MICAL3: variants seen among roughly 807,000 people sequenced by gnomAD.
The protein encoded by MICAL3 is [F-actin]-monooxygenase MICAL3.
MICAL3 carries 62 observed loss-of-function variants against 207.4 expected under a neutral mutation model. The observed-to-expected ratio is 0.30, with a 90% CI of 0.24 to 0.37. The LOEUF is 0.37. Ranked by LOEUF, MICAL3 falls within the 10% of genes least tolerant of loss-of-function variation. The pLI is 1.00. For missense variants in MICAL3, 2,368 were observed against 2,635.6 expected (o/e 0.90, Z 2.22); for synonymous variants, 1,077 against 1,069.3 (o/e 1.01, Z -0.14).
At chr22:17,942,202 G>A (rs771116857) in intron 1 of MICAL3, among the ~76,000 whole-genome samples, 3 of 152,182 alleles carry the variant, frequency 2.0e-5, no homozygotes, top group Non-Finnish European at 4.4e-5. Flanking sequence ...ATGCTTGCAG[G>A]GAGGCACAGA....
At chr22:17,998,011 G>T (rs567270161) in intron 1 of MICAL3, among the ~76,000 whole-genome samples, 94 of 152,222 alleles carry the variant, frequency 6.2e-4, no homozygotes, top group African/African-American at 2.1e-3. Context: ...ACTTAAGAAG[G>T]AAAACCTGGG....
In MICAL3 at chr22:17,916,093, C is replaced by CA. The variant is rs201336893; in HGVS notation, c.-74-9208dup. On this transcript the variant is annotated intron_variant, in intron 1 of 31. Transcript: ENST00000441493. The stretch of plus-strand genomic sequence containing the variant: ...AAAAAAAAAAAAACCCAAAAAGCAA[C>CA]AAAAAACAAAAACCAAAAAACGAAA... Among the ~76,000 whole-genome samples, 454 of 125,626 alleles carry CA rather than the reference C, an allele frequency of 3.6e-3. 7 individuals carry two copies. In the East Asian group the frequency reaches 0.056, roughly 15 times the overall value. The allele number at this position is 125,626 out of a possible 152,430, so 82.4% of individuals were successfully genotyped here.
intron 1 of MICAL3, among the ~76,000 whole-genome samples, chr22:17,908,951 G>A (rs1482682700): frequency 2.0e-5 from 3 of 152,174 alleles, no homozygotes; most frequent in African/African-American, 7.2e-5. Context: ...AGCACACTGA[G>A]CAGCAGTGTG....
At chr22:17,877,396 G>T (rs201066239) in intron 16 of MICAL3, among the ~76,000 whole-genome samples, 2,383 of 36,174 alleles carry the variant, frequency 0.066, 7 homozygotes, top group East Asian at 0.21. Flanking sequence ...ATGGAGGTTA[G>T]GGAGGTTAGG....
chr22:17,969,142 A>G (rs1267663269), intron 1 of MICAL3, among the ~76,000 whole-genome samples: 1 of 151,824 alleles, frequency 6.6e-6, no homozygotes, highest in Non-Finnish European at 1.5e-5. Flanking sequence ...TCCCGGGTTC[A>G]AGCAATTCTG....
chr22:17,798,045 C>T (rs2061895563), intron 29 of MICAL3, among the ~76,000 whole-genome samples: 1 of 152,218 alleles, frequency 6.6e-6, no homozygotes, highest in Non-Finnish European at 1.5e-5. Context: ...AGGGAGACTT[C>T]TAGAGCCCAG....
chr22:17,904,141 G>A (rs1931541880), intron 3 of MICAL3, among the ~76,000 whole-genome samples: 1 of 152,242 alleles, frequency 6.6e-6, no homozygotes, highest in African/African-American at 2.4e-5. Flanking sequence ...CCAGGCCAGG[G>A]CTCTGCGCCT....
chr22:17,895,923 A>C (rs1398490957), intron 9 of MICAL3, among the ~76,000 whole-genome samples: 1 of 152,210 alleles, frequency 6.6e-6, no homozygotes, highest in African/African-American at 2.4e-5. Flanking sequence ...AATCTGCTTC[A>C]AAATATCCCA....
Position 17,906,730 on chromosome 22 carries a change from G to A in MICAL3, c.83C>T (p.Thr28Ile), listed in dbSNP as rs763222956. The change falls in exon 2 of 32, where the codon ACC (threonine) becomes ATC (isoleucine). Residue 28 changes from threonine (T) to isoleucine (I), a missense_variant. Thr to Ile is a moderately conservative substitution (Grantham distance 89). Transcript: ENST00000441493. ...RFVQATTCKG[T>I]LKAFQELCDH... ...ACAGAGCTCCTGGAAAGCCTTGAGG[G>A]TTCCCTTGCAGGTGGTGGCCTGGAC... 6.2e-7 allele frequency: 1 copy of A among 1,613,898 alleles called. No individual in the cohort carries two copies.
Position 17,832,008 on chromosome 22 carries a change from C to T in MICAL3, c.2901G>A (p.Val967=). 6.2e-7 allele frequency: 1 copy of T among 1,606,330 alleles called. No individual in the cohort carries two copies. Among genetic ancestry groups the T allele is most frequent in the Non-Finnish European group, 8.5e-7 (1 of 1,176,568 alleles). Residue 967 remains valine (V), a synonymous_variant, in exon 21 of 32, where the codon GTG becomes GTA. Coordinates refer to ENST00000441493, the MANE Select transcript of MICAL3 (RefSeq NM_015241.3). ...TCCCTTTCAGAAGGGCATGGATCCG[C>T]ACGGCCTCCTTCCACGGAACACCAC... ...DLGGVPWKEA[V]RIHALLKGKS... is the part of the protein sequence containing the mutation.
chr22:17,945,699 C>A (rs1171155324), intron 1 of MICAL3, among the ~76,000 whole-genome samples: 1 of 152,138 alleles, frequency 6.6e-6, no homozygotes, highest in Non-Finnish European at 1.5e-5. Flanking sequence ...CCACCAGGCA[C>A]CTCCCTCCCC....
At chr22:17,914,338 A>T (rs1439886987) in intron 1 of MICAL3, among the ~76,000 whole-genome samples, 1 of 152,174 alleles carries the variant, frequency 6.6e-6, no homozygotes, top group East Asian at 1.9e-4. Flanking sequence ...AACAAGACAG[A>T]TAGAAGATAC....
chr22:18,023,718 A>C (rs1924627197), intron 1 of MICAL3, among the ~76,000 whole-genome samples: 2 of 152,234 alleles, frequency 1.3e-5, no homozygotes, highest in Non-Finnish European at 2.9e-5. Context: ...CTGGGAGCGC[A>C]AGCGTGTGCG....
chr22:17,844,864 A>G (rs1441170869), intron 19 of MICAL3, among the ~76,000 whole-genome samples: 1 of 152,172 alleles, frequency 6.6e-6, no homozygotes, highest in Non-Finnish European at 1.5e-5. Context: ...ATCCTGATAG[A>G]TCCGGCCTCA....
At position 17,788,603 on chromosome 22, in the gene MICAL3, A is replaced by C. The variant is rs2061803571; in HGVS notation, c.*2129T>G. ...TTTATGGGACGACTGGGGTTTGAAG[A>C]TGGAATCTAGAAACCCTCCTCTCCC... On this transcript the variant is annotated 3_prime_UTR_variant, in exon 32 of 32. Transcript: ENST00000441493. The C allele has an allele frequency of 6.6e-6, 1 of 152,248 alleles. No individual in the cohort carries two copies. The highest frequency in any genetic ancestry group is 2.1e-4 in the South Asian group (1 of 4,836). 9.4% of individuals were successfully genotyped at this position (152,248 alleles called of 1,614,324 possible).
intron 16 of MICAL3, among the ~76,000 whole-genome samples, chr22:17,885,627 T>A (rs1422028096): frequency 1.1e-5 from 1 of 92,572 alleles, no homozygotes; most frequent in African/African-American, 7.0e-5. Flanking sequence ...GAATACAGAT[T>A]TTTTTTAGAT....
At chr22:17,961,391 C>T (rs1463501976) in intron 1 of MICAL3, among the ~76,000 whole-genome samples, 1 of 152,192 alleles carries the variant, frequency 6.6e-6, no homozygotes, top group African/African-American at 2.4e-5. Flanking sequence ...GCCATTCTCA[C>T]TGGGGGAGCG....
chr22:18,022,116 G>A (rs1012783545), intron 1 of MICAL3, among the ~76,000 whole-genome samples: 2 of 152,066 alleles, frequency 1.3e-5, no homozygotes, highest in East Asian at 1.9e-4. Flanking sequence ...TTGTGAACTC[G>A]CTGTGGAGTG....
rs1367775991 is a variant in MICAL3 at position 17,956,825 on chromosome 22, G to C, written c.-74-49939C>G. 2.6e-5 allele frequency among the ~76,000 whole-genome samples: 4 copies of C among 152,206 alleles called. No individual in the cohort carries two copies. The South Asian group carries it at 8.3e-4, about 31-fold the overall frequency. Reference sequence around the variant, plus strand: ...ACGTGAGAGACACTACAGAGACGAAGTCAGACACCAACTGGAGAAAGATTT... The same window carrying C: ...ACGTGAGAGACACTACAGAGACGAACTCAGACACCAACTGGAGAAAGATTT... On this transcript the variant is annotated intron_variant, in intron 1 of 31. Coordinates refer to ENST00000441493, the MANE Select transcript of MICAL3 (RefSeq NM_015241.3).
Sources: gnomAD v4.1 joint callset for allele counts (sites outside exome capture counted in the v4.1 genomes callset) on GRCh38, gnomAD v4.1.1 for gene constraint, MANE v1.5 for transcripts, NCBI Gene and HGNC (gene_info 2026-07-23, HGNC 2026-07-21) for gene names.